Variants in GABBR2 observed in about 807,000 individuals in gnomAD.
GABBR2 encodes G-protein coupled receptor 51.
In GABBR2, 23 loss-of-function variants were observed where a neutral mutation model predicts 105.6. The ratio of observed to expected loss-of-function variants is 0.22; its 90% CI spans 0.16 to 0.31. GABBR2 has a LOEUF of 0.31. Among genes scored for constraint, GABBR2 ranks in the 10% least tolerant of loss-of-function variants. GABBR2 has a pLI of 1.00. For synonymous variants in GABBR2, 478 were observed against 499.7 expected, an observed-to-expected ratio of 0.96 and a Z score of 0.58; for missense variants, 734 against 1,245.5, an observed-to-expected ratio of 0.59 and a Z score of 6.18.
intron 6 of GABBR2, among the ~76,000 whole-genome samples, chr9:98,456,998 A>G (rs1826335482): frequency 6.6e-6 from 1 of 152,094 alleles, no homozygotes; most frequent in Admixed American, 6.5e-5. Flanking sequence ...TCCATCTTTT[A>G]CTACTTGGCT....
chr9:98,290,676 C>A lies in GABBR2; in HGVS notation c.2734G>T (p.Ala912Ser). 6.8e-7 allele frequency: 1 copy of A among 1,476,770 alleles called. No homozygotes were observed. Among genetic ancestry groups the A allele is most frequent in the Admixed American group, 3.1e-5 (1 of 32,558 alleles). 91.5% of individuals were successfully genotyped at this position (1,476,770 alleles called of 1,614,324 possible). The change falls in exon 19 of 19, where the codon GCC becomes TCC. Residue 912 changes from alanine to serine, a missense_variant. By Grantham distance (99) the Ala-to-Ser change is moderately conservative (BLOSUM62 1). Around this residue, in one of 7 missense-constraint regions of GABBR2, gnomAD observed 134 missense variants for 171.2 expected, o/e 0.78. Transcript: ENST00000259455. ...AYLPSIGGVD[A>S]SCVSPCVSPT... Reference sequence around the variant, plus strand: ...CTGACGCAGGGGCTGACACAGCTGGCGTCCACGCCTCCGATGGATGGGAGG... The same window carrying A: ...CTGACGCAGGGGCTGACACAGCTGGAGTCCACGCCTCCGATGGATGGGAGG...
At chr9:98,296,216 A>C (rs1830380051) in intron 17 of GABBR2, among the ~76,000 whole-genome samples, 1 of 151,956 alleles carries the variant, frequency 6.6e-6, no homozygotes, top group Admixed American at 6.5e-5. Flanking sequence ...TACCCCTTCC[A>C]CTCCTTCTGC....
At chr9:98,419,614 C>G (rs1458421713) in intron 7 of GABBR2, among the ~76,000 whole-genome samples, 3 of 152,118 alleles carry the variant, frequency 2.0e-5, no homozygotes, top group African/African-American at 7.2e-5. Context: ...AGGGTGGCTG[C>G]GGAGGGCCCA....
rs917506992 is a variant in GABBR2, at chr9:98,388,739, C to T, written c.1529+115G>A. The T allele has an allele frequency of 7.3e-6, 6 of 817,396 alleles. No homozygotes were observed. The highest frequency in any genetic ancestry group is 6.9e-5 in the African/African-American group (4 of 58,174). The allele number at this position is 817,396 out of a possible 1,614,324, so 50.6% of individuals were successfully genotyped here. A position where few individuals can be genotyped will look rare whatever the true frequency, so the allele number is the denominator to read the frequency against. ...CAACGGAGGAACACTTTGGGAAACT[C>T]TGCCCTGCAGACTTCTGTGTCCCTG... On this transcript the variant is annotated intron_variant, in intron 10 of 18. Transcript: ENST00000259455. This position sits in a 1 kb window ranked among gnomAD's most constrained non-coding sequence, Gnocchi z 4.4.
chr9:98,555,133 A>T (rs1411522634), intron 2 of GABBR2, among the ~76,000 whole-genome samples: 1 of 152,252 alleles, frequency 6.6e-6, no homozygotes, highest in African/African-American at 2.4e-5. Context: ...TTCTAGACTT[A>T]AAAGTTACAA....
chr9:98,593,259 TCTGCACCCATTAAACC>T (rs1352960400), intron 1 of GABBR2, among the ~76,000 whole-genome samples: 22 of 152,198 alleles, frequency 1.4e-4, no homozygotes, highest in Admixed American at 1.3e-3. Context: ...ACAGAAAAGC[TCTGCACCCATTAAACC>T]CTGGGGCTTC....
intron 1 of GABBR2, among the ~76,000 whole-genome samples, chr9:98,630,661 A>G (rs1422234062): frequency 6.6e-5 from 10 of 152,326 alleles, no homozygotes. Flanking sequence ...TTGGGAGACC[A>G]CTAGGAATTG....
intron 1 of GABBR2, among the ~76,000 whole-genome samples, chr9:98,579,871 G>C (rs1488653879): frequency 6.6e-6 from 1 of 152,180 alleles, no homozygotes; most frequent in Non-Finnish European, 1.5e-5. Flanking sequence ...TGTTTTAGAG[G>C]ATTGCAAAAT....
chr9:98,701,642 A>T (rs997539119), intron 1 of GABBR2, among the ~76,000 whole-genome samples: 3 of 152,080 alleles, frequency 2.0e-5, no homozygotes, highest in Non-Finnish European at 4.4e-5. Context: ...GAGGGATGAG[A>T]CTGACCCTAC....
intron 1 of GABBR2, among the ~76,000 whole-genome samples, chr9:98,659,763 C>G (rs1009638197): frequency 6.6e-6 from 1 of 151,814 alleles, no homozygotes; most frequent in Non-Finnish European, 1.5e-5. Flanking sequence ...TCAAGTGATC[C>G]GCCCACCTCG....
At position 98,547,072 on chromosome 9, in the gene GABBR2, T is replaced by C. The variant is rs1450854315; in HGVS notation, c.460-5029A>G. On this transcript the variant is annotated intron_variant, in intron 2 of 18. Coordinates refer to ENST00000259455, the MANE Select transcript of GABBR2 (RefSeq NM_005458.8). ...AGGAGAAATTTGGGGCTGGCTTGAT[T>C]GTCACTGATTGTCGTTCATTTGTAG... Among the ~76,000 whole-genome samples the C allele has an allele frequency of 3.4e-5, 4 of 119,238 alleles. 2 individuals are homozygous for C. The highest frequency in any genetic ancestry group is 7.5e-5 in the Non-Finnish European group (4 of 53,552). 78.2% of individuals were successfully genotyped at this position (119,238 alleles called of 152,430 possible).
At chr9:98,609,617 A>C (rs1829477124) in intron 1 of GABBR2, among the ~76,000 whole-genome samples, 1 of 152,190 alleles carries the variant, frequency 6.6e-6, no homozygotes, top group South Asian at 2.1e-4. Flanking sequence ...CAGGGCTCCA[A>C]GGTGGGTTTT....
intron 7 of GABBR2, among the ~76,000 whole-genome samples, chr9:98,443,934 T>C (rs909983447): frequency 3.3e-5 from 5 of 152,256 alleles, no homozygotes; most frequent in African/African-American, 1.2e-4. Context: ...TACTCCTACC[T>C]GGCCCTGGTC....
chr9:98,427,986 C>T lies in GABBR2; in HGVS notation c.1237-21845G>A, dbSNP rs1410007735. On this transcript the variant is annotated intron_variant, in intron 7 of 18. Coordinates refer to ENST00000259455, the MANE Select transcript of GABBR2 (RefSeq NM_005458.8). ...TTATCCGAGAGACCCCAAGCCAGAA[C>T]CTTACAGCTAAGTCACTCCTGAATT... Among the ~76,000 whole-genome samples the T allele has an allele frequency of 2.6e-5, 4 of 152,216 alleles. No individual in the cohort carries two copies. The East Asian group carries it at 7.7e-4, about 29-fold the overall frequency.
chr9:98,325,283 CTTTTTT>C lies in GABBR2; in HGVS notation c.1894-14084_1894-14079del, dbSNP rs886288539. Among the ~76,000 whole-genome samples the C allele has an allele frequency of 1.5e-4, 10 of 67,652 alleles. No individual in the cohort carries two copies. The East Asian group carries it at 1.6e-3, about 11-fold the overall frequency. The allele number at this position is 67,652 out of a possible 152,430, so 44.4% of individuals were successfully genotyped here. The stretch of plus-strand genomic sequence containing the variant: ...TTCCCTTGGCTCTAGGACAGCAATT[CTTTTTT>C]TTTTTTTTTTTTTTTTTTTTGAGAC... On this transcript the variant is annotated intron_variant, in intron 13 of 18. Coordinates refer to ENST00000259455, the MANE Select transcript of GABBR2 (RefSeq NM_005458.8).
At chr9:98,341,552 C>T (rs939997368) in intron 13 of GABBR2, among the ~76,000 whole-genome samples, 1 of 152,224 alleles carries the variant, frequency 6.6e-6, no homozygotes, top group Non-Finnish European at 1.5e-5. Context: ...GTTATTGCGG[C>T]TGAGCGTTGA....
intron 13 of GABBR2, among the ~76,000 whole-genome samples, chr9:98,341,702 G>C (rs1018025756): frequency 3.3e-5 from 5 of 152,170 alleles, no homozygotes; most frequent in Non-Finnish European, 2.9e-5. Context: ...TCAGTTCCAC[G>C]AGGACCTAAC....
chr9:98,297,798 A>T (rs976136690), intron 17 of GABBR2, among the ~76,000 whole-genome samples: 10 of 150,028 alleles, frequency 6.7e-5, no homozygotes, highest in African/African-American at 2.4e-4. Context: ...GAGGCAGGCG[A>T]ATCACTTGAG....
At chr9:98,433,137 G>A (rs1430196898) in intron 7 of GABBR2, among the ~76,000 whole-genome samples, 4 of 152,204 alleles carry the variant, frequency 2.6e-5, no homozygotes, top group African/African-American at 9.6e-5. Flanking sequence ...CTAGATTGGA[G>A]GATGAACAGG....
Sources: allele counts gnomAD v4.1 joint callset (sites outside exome capture counted in the v4.1 genomes callset), GRCh38; gene constraint gnomAD v4.1.1; regional missense constraint gnomAD v4.1.1; non-coding constraint Gnocchi (gnomAD v3.1); transcripts MANE v1.5; gene names NCBI Gene and HGNC (gene_info 2026-07-23, HGNC 2026-07-21).